The following DLGAP2 variants were observed in gnomAD, a reference collection of about 807,000 sequenced individuals.
DLGAP2 encodes DLG associated protein 2, also known as disks large-associated protein 2.
DLGAP2 carries 26 observed loss-of-function variants against 100.3 expected under a neutral mutation model. The observed-to-expected ratio is 0.26, with a 90% CI of 0.19 to 0.36. The LOEUF (loss-of-function observed/expected upper bound fraction) is 0.36, where lower values mean the gene tolerates loss of function less well. Among genes scored for constraint, DLGAP2 ranks in the 10% least tolerant of loss-of-function variants. The probability of loss-of-function intolerance (pLI) is 1.00; values close to 1 mark genes in which losing one functional copy is unlikely to be tolerated. For synonymous variants in DLGAP2, 886 were observed against 630.1 expected (o/e 1.41, Z -6.08); for missense variants, 1,858 against 1,453.2 (o/e 1.28, Z -4.53).
At chr8:1,546,927 C>T (rs1465653698) in intron 4 of DLGAP2, among the ~76,000 whole-genome samples, 2 of 152,164 alleles carry the variant, frequency 1.3e-5, no homozygotes, top group African/African-American at 4.8e-5. Flanking sequence ...GGATAGTTCC[C>T]TTCCTGAGGA....
chr8:738,465 G>C (rs1450277238), intron 1 of DLGAP2: 2 of 152,394 alleles, frequency 1.3e-5, no homozygotes, highest in Admixed American at 1.3e-4. Context: ...TGCGAGCGAG[G>C]AGCTCGGGGT....
intron 2 of DLGAP2, among the ~76,000 whole-genome samples, chr8:1,242,322 T>A (rs1448039434): frequency 6.6e-6 from 1 of 152,158 alleles, no homozygotes; most frequent in Non-Finnish European, 1.5e-5. Flanking sequence ...GGCGGGGTTC[T>A]GGAGGATTTG....
intron 1 of DLGAP2, among the ~76,000 whole-genome samples, chr8:824,900 C>G (rs1467043744): frequency 6.6e-6 from 1 of 152,156 alleles, no homozygotes. Flanking sequence ...CATCTCACTC[C>G]CTGAGGGGCC....
intron 1 of DLGAP2, among the ~76,000 whole-genome samples, chr8:863,127 G>A (rs1365016664): frequency 3.9e-5 from 6 of 152,148 alleles, no homozygotes; most frequent in East Asian, 1.9e-4. Flanking sequence ...TCTTTGGTGC[G>A]TATTATTCCT....
chr8:770,223 G>A (rs1158731382), intron 1 of DLGAP2, among the ~76,000 whole-genome samples: 4 of 152,226 alleles, frequency 2.6e-5, no homozygotes, highest in Non-Finnish European at 5.9e-5. Flanking sequence ...GAGGGGCTGC[G>A]GAATGCTCAT....
intron 1 of DLGAP2, among the ~76,000 whole-genome samples, chr8:757,919 C>G (rs1396351753): frequency 6.6e-6 from 1 of 152,176 alleles, no homozygotes; most frequent in African/African-American, 2.4e-5. Flanking sequence ...CACCTCTGCG[C>G]TCATTAGTGA....
At chr8:1,120,660 C>T (rs2129047468) in intron 2 of DLGAP2, among the ~76,000 whole-genome samples, 1 of 151,782 alleles carries the variant, frequency 6.6e-6, no homozygotes, top group Admixed American at 6.5e-5. Context: ...ACTATAAACC[C>T]TAGTCCTTTG....
At chr8:1,458,002 ATATATATATAT>A (rs1357880628) in intron 3 of DLGAP2, among the ~76,000 whole-genome samples, 145 of 129,636 alleles carry the variant, frequency 1.1e-3, no homozygotes, top group Non-Finnish European at 1.8e-3. Context: ...ATATATATAT[ATATATATATAT>A]AATTTTTTAT....
chr8:851,423 C>G (rs1797181101), intron 1 of DLGAP2, among the ~76,000 whole-genome samples: 1 of 152,180 alleles, frequency 6.6e-6, no homozygotes, highest in South Asian at 2.1e-4. Flanking sequence ...CTCATCGCTG[C>G]TTTGGAATGG....
chr8:1,479,129 G>A (rs1197906468), intron 3 of DLGAP2, among the ~76,000 whole-genome samples: 2 of 152,254 alleles, frequency 1.3e-5, no homozygotes, highest in Non-Finnish European at 2.9e-5. Context: ...GGCAACGCTG[G>A]GACAGCAGCC....
At chr8:816,832 C>T (rs561074968) in intron 1 of DLGAP2, among the ~76,000 whole-genome samples, 1 of 152,274 alleles carries the variant, frequency 6.6e-6, no homozygotes, top group African/African-American at 2.4e-5. Context: ...GGTTAGATTT[C>T]TCTTCTTCTC....
At position 1,209,468 on chromosome 8, in the gene DLGAP2, G is replaced by C. The variant is rs76380623; in HGVS notation, c.74-49383G>C. Among the ~76,000 whole-genome samples, 790 of 152,274 alleles carry C rather than the reference G, an allele frequency of 5.2e-3. 8 individuals are homozygous for C. The highest frequency in any genetic ancestry group is 0.018 in the African/African-American group (752 of 41,542). On this transcript the variant is annotated intron_variant, in intron 2 of 14. Coordinates refer to ENST00000637795, the MANE Select transcript of DLGAP2 (RefSeq NM_001346810.2). ...GCATATGTAGTCCTAGATCTGTGCT[G>C]GTCCCATGGTGGGCATCAGCTGTTC...
intron 2 of DLGAP2, among the ~76,000 whole-genome samples, chr8:1,070,264 G>T (rs116108981): frequency 2.0e-5 from 3 of 152,040 alleles, no homozygotes; most frequent in Admixed American, 2.0e-4. Flanking sequence ...TTTTCATGGC[G>T]TGGGTTCAGG....
At chr8:1,406,985 A>T (rs34730506) in intron 3 of DLGAP2, among the ~76,000 whole-genome samples, 144 of 14,158 alleles carry the variant, frequency 0.01, 1 homozygote, top group East Asian at 0.018. Flanking sequence ...GTGTATTGAG[A>T]GCTTACTGAG....
intron 7 of DLGAP2, among the ~76,000 whole-genome samples, chr8:1,632,140 G>T (rs989163049): frequency 1.3e-5 from 2 of 152,016 alleles, no homozygotes; most frequent in African/African-American, 2.4e-5. Context: ...GGAAAATGAA[G>T]TGAGTATACT....
intron 1 of DLGAP2, among the ~76,000 whole-genome samples, chr8:783,052 C>A (rs918271580): frequency 6.6e-6 from 1 of 152,216 alleles, no homozygotes; most frequent in African/African-American, 2.4e-5. Flanking sequence ...ATGCAATTGA[C>A]TAAAGTTACA....
intron 4 of DLGAP2, among the ~76,000 whole-genome samples, chr8:1,505,028 A>G (rs1480880873): frequency 3.3e-5 from 5 of 152,216 alleles, no homozygotes; most frequent in Non-Finnish European, 7.3e-5. Flanking sequence ...AAGGAAGGAA[A>G]GAGGGAGGGA....
At position 1,704,920 on chromosome 8, in the gene DLGAP2, A is replaced by G. The variant is rs998320925; in HGVS notation, c.*3514A>G. On this transcript the variant is annotated 3_prime_UTR_variant, in exon 15 of 15. Coordinates refer to ENST00000637795, the MANE Select transcript of DLGAP2 (RefSeq NM_001346810.2). ...AGGTTCTGATTATTTCTCTTGGAGC[A>G]TATGTCCTTGTCTTGATTTTTGCCT... 1 of 152,226 alleles carries G rather than the reference A, an allele frequency of 6.6e-6. No individual in the cohort carries two copies. The highest frequency in any genetic ancestry group is 1.5e-5 in the Non-Finnish European group (1 of 68,046). The allele number at this position is 152,226 out of a possible 1,614,324, so 9.4% of individuals were successfully genotyped here. A position where few individuals can be genotyped will look rare whatever the true frequency, so the allele number is the denominator to read the frequency against.
chr8:1,358,181 G>C (rs1025028645), intron 3 of DLGAP2, among the ~76,000 whole-genome samples: 1 of 152,200 alleles, frequency 6.6e-6, no homozygotes, highest in African/African-American at 2.4e-5. Flanking sequence ...TAGGTGAAAA[G>C]TTATTCAAAA....
Sources: allele counts gnomAD v4.1 joint callset (sites outside exome capture counted in the v4.1 genomes callset), GRCh38; gene constraint gnomAD v4.1.1; transcripts MANE v1.5; gene names NCBI Gene and HGNC (gene_info 2026-07-23, HGNC 2026-07-21).